The following WDR17 variants were observed in gnomAD, a reference collection of about 807,000 sequenced individuals.
The protein encoded by WDR17 is WD repeat-containing protein 17.
In WDR17, 143 loss-of-function variants were observed where a neutral mutation model predicts 161.7. The ratio of observed to expected loss-of-function variants is 0.88; its 90% CI spans 0.77 to 1.02. The LOEUF is 1.02. Ranked by LOEUF, WDR17 falls within the 50% of genes least tolerant of loss-of-function variation. The pLI, the probability that WDR17 is intolerant of heterozygous loss-of-function variation, is 0.00. For synonymous variants in WDR17, 517 were observed against 515.6 expected, an observed-to-expected ratio of 1.00 and a Z score of -0.04; for missense variants, 1,469 against 1,520.9, an observed-to-expected ratio of 0.97 and a Z score of 0.57.
At chr4:176,130,364 T>C (rs1005003449) in intron 6 of WDR17, among the ~76,000 whole-genome samples, 1 of 152,192 alleles carries the variant, frequency 6.6e-6, no homozygotes, top group African/African-American at 2.4e-5. Context: ...TTCATTCTAG[T>C]TTGGACTTTC....
chr4:176,175,579 A>T (rs963193827), intron 26 of WDR17, among the ~76,000 whole-genome samples: 4 of 151,270 alleles, frequency 2.6e-5, no homozygotes, highest in African/African-American at 9.7e-5. Flanking sequence ...TGTTTTTGAG[A>T]TGGAGTCTCT....
intron 5 of WDR17, among the ~76,000 whole-genome samples, chr4:176,127,878 C>A (rs1314842952): frequency 6.6e-6 from 1 of 152,190 alleles, no homozygotes; most frequent in Non-Finnish European, 1.5e-5. Flanking sequence ...TTCTTCTGGA[C>A]ATTTCATATA....
intron 5 of WDR17, among the ~76,000 whole-genome samples, chr4:176,128,381 G>C (rs917030840): frequency 4.6e-5 from 7 of 151,130 alleles, no homozygotes; most frequent in Admixed American, 6.6e-5. Flanking sequence ...GATTATTTAA[G>C]GTTAGAAATG....
intron 1 of WDR17, among the ~76,000 whole-genome samples, chr4:176,089,283 A>T (rs1281741731): frequency 6.6e-6 from 1 of 152,202 alleles, no homozygotes; most frequent in Admixed American, 6.5e-5. Flanking sequence ...ACTCTTTCAC[A>T]ACTTCTAATA....
At chr4:176,159,263 A>ACG (rs1554034579) in intron 18 of WDR17, among the ~76,000 whole-genome samples, 2 of 53,596 alleles carry the variant, frequency 3.7e-5, no homozygotes, top group East Asian at 7.1e-4. Flanking sequence ...ATGGGAAGAT[A>ACG]CACACACACA....
rs1217448091 is a variant in WDR17 at position 176,150,086 on chromosome 4, A to C, written c.2091A>C (p.Lys697Asn). ...GCACTCCTCCTCTACTGTGTGGTAAAGTGTCAAGAGATATTAGACAGGAAA... is the reference window on the plus strand; with the variant it reads ...GCACTCCTCCTCTACTGTGTGGTAACGTGTCAAGAGATATTAGACAGGAAA... ...EPGTPPLLCG[K>N]VSRDIRQEIE... Residue 697 changes from lysine to asparagine, a missense_variant, in exon 15 of 29, where the codon AAA becomes AAC. Lys to Asn is a moderately conservative substitution (Grantham distance 94, BLOSUM62 0). Transcript: ENST00000508596. 1 of 1,614,070 alleles carries C rather than the reference A, an allele frequency of 6.2e-7. No homozygotes were observed. The highest frequency in any genetic ancestry group is 1.1e-5 in the South Asian group (1 of 91,074).
Position 176,167,717 on chromosome 4 carries a change from T to G in WDR17, c.2991-955T>G, listed in dbSNP as rs533984479. ...AAGTTAAGTGTTTTCTCAGTTATGA[T>G]GTATGCATCCATTTACTCCTCACCT... On this transcript the variant is annotated intron_variant, in intron 22 of 28. Coordinates refer to ENST00000508596, the MANE Select transcript of WDR17 (RefSeq NM_181265.4). 3.9e-3 allele frequency among the ~76,000 whole-genome samples: 585 copies of G among 151,344 alleles called. 1 individual carries two copies. The highest frequency in any genetic ancestry group is 6.6e-3 in the Non-Finnish European group (447 of 67,906).
At chr4:176,167,385 G>T (rs113174349) in intron 22 of WDR17, among the ~76,000 whole-genome samples, 2,236 of 151,884 alleles carry the variant, frequency 0.015, 58 homozygotes, top group African/African-American at 0.051. Context: ...GGTGGCTCAC[G>T]CCTGTAATCC....
intron 4 of WDR17, among the ~76,000 whole-genome samples, chr4:176,124,560 C>T (rs1393341383): frequency 6.6e-6 from 1 of 152,026 alleles, no homozygotes; most frequent in Non-Finnish European, 1.5e-5. Context: ...TTTTAAAACT[C>T]TGTGAGATAA....
At position 176,119,715 on chromosome 4, in the gene WDR17, T is replaced by C. The variant is rs1741234168; in HGVS notation, c.308-152T>C. The C allele has an allele frequency of 4.2e-6, 3 of 721,024 alleles. No homozygotes were observed. In the South Asian group the frequency reaches 6.1e-5, roughly 15 times the overall value. 44.7% of individuals were successfully genotyped at this position (721,024 alleles called of 1,614,324 possible). On this transcript the variant is annotated intron_variant, in intron 3 of 28. Coordinates refer to ENST00000508596, the MANE Select transcript of WDR17 (RefSeq NM_181265.4). ...CCCTGCCTATGTTCCCTGCAGTCTT[T>C]GGGATTTCTTTATAAATCCAATTCC... is the stretch of plus-strand genomic sequence containing the variant.
rs180915245 is a variant in WDR17 at position 176,068,375 on chromosome 4, G to A, written c.-7+2296G>A. 684 of 152,288 alleles carry A rather than the reference G, an allele frequency of 4.5e-3. 8 individuals carry two copies. The highest frequency in any genetic ancestry group is 0.016 in the African/African-American group (659 of 41,554). The allele number at this position is 152,288 out of a possible 1,614,324, so 9.4% of individuals were successfully genotyped here. A position where few individuals can be genotyped will look rare whatever the true frequency, so the allele number is the denominator to read the frequency against. ...GGCACTTTGGGAGGCTGAGGCAGGC[G>A]GATCACCTGAGGTGAGGAGTTTGAG... On this transcript the variant is annotated intron_variant, in intron 1 of 28. Transcript: ENST00000508596.
At chr4:176,177,985 C>CAAAAAAAAAAAAAAAAAAAAAAAAA (rs869298899) in intron 28 of WDR17, among the ~76,000 whole-genome samples, 9 of 46,298 alleles carry the variant, frequency 1.9e-4, no homozygotes, top group Non-Finnish European at 3.1e-4. Context: ...AACTCCGTCT[C>CAAAAAAAAAAAAAAAAAAAAAAAAA]AAAAAAAAAA....
At chr4:176,100,119 CA>C (rs1320413622) in intron 1 of WDR17, among the ~76,000 whole-genome samples, 1 of 152,084 alleles carries the variant, frequency 6.6e-6, no homozygotes, top group Admixed American at 6.6e-5. Context: ...ATTACTGGAT[CA>C]TATAATAGCT....
At chr4:176,117,569 C>CA (rs1433814835) in intron 3 of WDR17, among the ~76,000 whole-genome samples, 1 of 152,018 alleles carries the variant, frequency 6.6e-6, no homozygotes, top group African/African-American at 2.4e-5. Context: ...ATGGATTTAT[C>CA]ATCAGACACT....
chr4:176,130,589 A>AGT lies in WDR17; in HGVS notation c.914-965_914-964insGT, dbSNP rs1561147485. ...GAAACCCTGTCTCTACTAAAAATAC[A>AGT]AAAAAATTAGCCGGGCGTGGTGGCA... On this transcript the variant is annotated intron_variant, in intron 6 of 28. Coordinates refer to ENST00000508596, the MANE Select transcript of WDR17 (RefSeq NM_181265.4). Among the ~76,000 whole-genome samples, 7 of 71,910 alleles carry AGT rather than the reference A, an allele frequency of 9.7e-5. No individual in the cohort carries two copies. In the East Asian group the frequency reaches 2.4e-3, roughly 25 times the overall value. 47.2% of individuals were successfully genotyped at this position (71,910 alleles called of 152,430 possible).
chr4:176,076,252 T>TATAC (rs1438405636), intron 1 of WDR17, among the ~76,000 whole-genome samples: 1 of 68,360 alleles, frequency 1.5e-5, no homozygotes, highest in African/African-American at 4.2e-5. Flanking sequence ...TATATATATA[T>TATAC]ATACACACAC....
intron 1 of WDR17, among the ~76,000 whole-genome samples, chr4:176,088,018 AT>A (rs1010673990): frequency 1.1e-4 from 17 of 151,912 alleles, no homozygotes; most frequent in African/African-American, 4.1e-4. Flanking sequence ...TAATTTTTAT[AT>A]TTTTAGTAGA....
chr4:176,130,585 A>G (rs962316697), intron 6 of WDR17, among the ~76,000 whole-genome samples: 4 of 133,102 alleles, frequency 3.0e-5, no homozygotes, highest in Non-Finnish European at 3.4e-5. Context: ...TCTACTAAAA[A>G]TACAAAAAAA....
chr4:176,107,453 G>T (rs558344928), intron 1 of WDR17, among the ~76,000 whole-genome samples: 142 of 149,334 alleles, frequency 9.5e-4, no homozygotes, highest in African/African-American at 3.4e-3. Context: ...AAAATTGAAA[G>T]CAGGGTGTGG....
Sources: allele counts gnomAD v4.1 joint callset (sites outside exome capture counted in the v4.1 genomes callset), GRCh38; gene constraint gnomAD v4.1.1; transcripts MANE v1.5; gene names NCBI Gene and HGNC (gene_info 2026-07-23, HGNC 2026-07-21).